The following STK10 variants were observed in gnomAD, a reference collection of about 807,000 sequenced individuals.
STK10 encodes the protein serine/threonine-protein kinase 10.
A neutral mutation model predicts 113.8 loss-of-function variants in STK10; 78 were observed. The observed-to-expected ratio is 0.69, with a 90% CI of 0.57 to 0.83. The LOEUF is 0.83. Among genes scored for constraint, STK10 ranks in the 40% least tolerant of loss-of-function variants. The pLI is 0.00. For missense variants in STK10, 1,109 were observed against 1,280.1 expected (o/e 0.87, Z 2.04); for synonymous variants, 465 against 494.7 (o/e 0.94, Z 0.80).
intron 7 of STK10, among the ~76,000 whole-genome samples, chr5:172,105,105 G>A (rs1026889569): frequency 1.3e-5 from 2 of 152,096 alleles, no homozygotes; most frequent in East Asian, 1.9e-4. Context: ...TGGGACAGAC[G>A]CCCCAGTGCC....
intron 1 of STK10, among the ~76,000 whole-genome samples, chr5:172,178,738 A>G (rs760836386): frequency 2.6e-5 from 4 of 152,170 alleles, no homozygotes; most frequent in Non-Finnish European, 5.9e-5. Flanking sequence ...CTCTCATTGC[A>G]CACCCAGAGA....
chr5:172,114,292 G>A (rs1356172797), intron 4 of STK10, among the ~76,000 whole-genome samples: 2 of 138,502 alleles, frequency 1.4e-5, no homozygotes, highest in Non-Finnish European at 3.0e-5. Context: ...CTACTCTCGT[G>A]TGTGTGTGTG....
chr5:172,170,266 CCATAA>C (rs1330904492), intron 1 of STK10, among the ~76,000 whole-genome samples: 3 of 152,022 alleles, frequency 2.0e-5, no homozygotes, highest in South Asian at 4.1e-4. Context: ...TCGACTTTCT[CCATAA>C]CATATTTCTA....
At chr5:172,057,054 G>GAAAGAAAAT in intron 15 of STK10, 1 of 198,870 alleles carries the variant, frequency 5.0e-6, no homozygotes, top group Non-Finnish European at 9.8e-6. Flanking sequence ...AGAAAGAAAA[G>GAAAGAAAAT]AAGAAAGGGA....
At chr5:172,150,955 A>T (rs1375296837) in intron 2 of STK10, among the ~76,000 whole-genome samples, 1 of 152,160 alleles carries the variant, frequency 6.6e-6, no homozygotes, top group Non-Finnish European at 1.5e-5. Context: ...GCTGCTCGCG[A>T]CAGACCCCTG....
At chr5:172,073,879 C>T (rs560354412) in intron 12 of STK10, among the ~76,000 whole-genome samples, 17 of 149,816 alleles carry the variant, frequency 1.1e-4, no homozygotes, top group African/African-American at 2.0e-4. Context: ...GCAAGAGAAA[C>T]GCTTGAACCT....
chr5:172,098,533 G>A (rs1768907300), intron 7 of STK10, among the ~76,000 whole-genome samples: 1 of 152,166 alleles, frequency 6.6e-6, no homozygotes, highest in African/African-American at 2.4e-5. Context: ...GTGCAGGTGA[G>A]CCACAGAGAC....
intron 2 of STK10, among the ~76,000 whole-genome samples, chr5:172,137,550 A>C (rs1363281387): frequency 6.6e-6 from 1 of 152,024 alleles, no homozygotes; most frequent in African/African-American, 2.4e-5. Flanking sequence ...AAATAGAAGA[A>C]AACAACCTCA....
chr5:172,139,215 G>A (rs908684591), intron 2 of STK10, among the ~76,000 whole-genome samples: 2 of 152,020 alleles, frequency 1.3e-5, no homozygotes, highest in Non-Finnish European at 1.5e-5. Flanking sequence ...GAATCTCAAG[G>A]GACCCTAAAT....
At chr5:172,101,372 G>A (rs377089107) in intron 7 of STK10, among the ~76,000 whole-genome samples, 17 of 151,508 alleles carry the variant, frequency 1.1e-4, no homozygotes, top group African/African-American at 3.6e-4. Flanking sequence ...TTGGGAAGCC[G>A]AGACAGGAGA....
At chr5:172,056,850 A>G (rs746791669) in intron 15 of STK10, among the ~76,000 whole-genome samples, 20 of 149,240 alleles carry the variant, frequency 1.3e-4, no homozygotes, top group Non-Finnish European at 2.4e-4. Flanking sequence ...CTCCAGCCTG[A>G]GTGAGAGAGC....
chr5:172,176,429 C>T (rs1486115260), intron 1 of STK10, among the ~76,000 whole-genome samples: 1 of 152,180 alleles, frequency 6.6e-6, no homozygotes, highest in Non-Finnish European at 1.5e-5. Context: ...AGCTCTGATT[C>T]GGGTTCCAAC....
At chr5:172,176,131 T>C (rs1315643573) in intron 1 of STK10, among the ~76,000 whole-genome samples, 1 of 152,220 alleles carries the variant, frequency 6.6e-6, no homozygotes, top group Non-Finnish European at 1.5e-5. Flanking sequence ...AACAGCCCTA[T>C]GTGATTGTAC....
chr5:172,154,171 C>G (rs1335272739), intron 2 of STK10, among the ~76,000 whole-genome samples: 3 of 152,228 alleles, frequency 2.0e-5, no homozygotes, highest in Admixed American at 2.0e-4. Flanking sequence ...ACGCCAATTG[C>G]TGGGCCTCAC....
intron 7 of STK10, among the ~76,000 whole-genome samples, chr5:172,102,439 G>C (rs919945310): frequency 6.6e-6 from 1 of 152,186 alleles, no homozygotes; most frequent in Non-Finnish European, 1.5e-5. Context: ...CTGGACCTCC[G>C]GGGAGTCAAC....
At chr5:172,046,259 C>G (rs1055342219) in intron 18 of STK10, among the ~76,000 whole-genome samples, 2 of 150,322 alleles carry the variant, frequency 1.3e-5, no homozygotes, top group Non-Finnish European at 2.9e-5. Context: ...ACTTGGGAGG[C>G]TGAGGCAGGA....
At chr5:172,106,117 G>A (rs531729755) in intron 6 of STK10, among the ~76,000 whole-genome samples, 16 of 151,860 alleles carry the variant, frequency 1.1e-4, no homozygotes, top group Non-Finnish European at 2.2e-4. Context: ...AAGATCTCAT[G>A]TCAAGTGCAC....
intron 2 of STK10, among the ~76,000 whole-genome samples, chr5:172,127,865 C>G (rs1239076255): frequency 6.6e-6 from 1 of 152,222 alleles, no homozygotes; most frequent in Non-Finnish European, 1.5e-5. Context: ...CTCAGGCTCT[C>G]TCCATCTTCC....
At chr5:172,161,808 T>C (rs1372195563) in intron 1 of STK10, among the ~76,000 whole-genome samples, 1 of 151,840 alleles carries the variant, frequency 6.6e-6, no homozygotes, top group Non-Finnish European at 1.5e-5. Context: ...GGCGGCAGAG[T>C]GGGCTTGGAA....
Sources: allele counts gnomAD v4.1 joint callset (sites outside exome capture counted in the v4.1 genomes callset), GRCh38; gene constraint gnomAD v4.1.1; transcripts MANE v1.5; gene names NCBI Gene and HGNC (gene_info 2026-07-23, HGNC 2026-07-21).